Variants in CHSY1 observed in about 807,000 individuals in gnomAD.
CHSY1 encodes the protein chondroitin sulfate synthase 1, also known as N-acetylgalactosaminyl-proteoglycan 3-beta-glucuronosyltransferase 1.
CHSY1 carries 13 observed loss-of-function variants against 59.8 expected under a neutral mutation model. The observed-to-expected ratio is 0.22, with a 90% confidence interval of 0.14 to 0.35. The LOEUF (loss-of-function observed/expected upper bound fraction) is 0.35. Among genes scored for constraint, CHSY1 ranks in the 10% least tolerant of loss-of-function variants. The pLI, the probability that CHSY1 is intolerant of heterozygous loss-of-function variation, is 1.00. For missense variants in CHSY1, 947 were observed against 1,030.6 expected (o/e 0.92, Z 1.11); for synonymous variants, 459 against 401.2 (o/e 1.14, Z -1.72).
chr15:101,244,341 G>A (rs12324545), intron 1 of CHSY1, among the ~76,000 whole-genome samples: 47,225 of 152,114 alleles, frequency 0.31, 10,044 homozygotes, highest in African/African-American at 0.61. Context: ...TGAGGAAAAC[G>A]GTTGTGACAC....
At chr15:101,229,424 C>T (rs1469880856) in intron 2 of CHSY1, among the ~76,000 whole-genome samples, 1 of 152,098 alleles carries the variant, frequency 6.6e-6, no homozygotes, top group East Asian at 1.9e-4. Context: ...ATACTAATAT[C>T]AGACAAAACA....
chr15:101,237,249 CAG>C (rs2038954427), intron 1 of CHSY1, among the ~76,000 whole-genome samples: 1 of 105,402 alleles, frequency 9.5e-6, no homozygotes, highest in Non-Finnish European at 2.0e-5. Context: ...AAAAAAAAAA[CAG>C]AGGCAAATGT....
chr15:101,245,205 T>A (rs2039038595), intron 1 of CHSY1, among the ~76,000 whole-genome samples: 2 of 152,190 alleles, frequency 1.3e-5, no homozygotes, highest in Admixed American at 6.5e-5. Flanking sequence ...CTTCCCTCCA[T>A]GTCCCTGCCC....
chr15:101,198,057 G>A (rs1216404311), intron 2 of CHSY1, among the ~76,000 whole-genome samples: 1 of 152,122 alleles, frequency 6.6e-6, no homozygotes, highest in Non-Finnish European at 1.5e-5. Context: ...GTGACAGACT[G>A]TGGTCTGACT....
chr15:101,212,814 G>A, intron 2 of CHSY1, among the ~76,000 whole-genome samples: 1 of 152,164 alleles, frequency 6.6e-6, no homozygotes. Context: ...TAATAAACAT[G>A]TAGAAAACAC....
Position 101,191,828 on chromosome 15 carries a change from C to A in CHSY1, c.817-12848G>T, listed in dbSNP as rs188029496. 1.5e-3 allele frequency among the ~76,000 whole-genome samples: 228 copies of A among 152,134 alleles called. 3 individuals are homozygous for A. Among genetic ancestry groups the A allele is most frequent in the Admixed American group, 0.013 (202 of 15,286 alleles). On this transcript the variant is annotated intron_variant, in intron 2 of 2. Transcript: ENST00000254190. ...TAGATTGTAGGGGAAACTGGTAGTACTTTTTCTCTGGCTTCTCATTTATAA... is the reference window on the plus strand; with the variant it reads ...TAGATTGTAGGGGAAACTGGTAGTAATTTTTCTCTGGCTTCTCATTTATAA...
intron 2 of CHSY1, among the ~76,000 whole-genome samples, chr15:101,204,918 C>CA (rs1215140146): frequency 6.6e-6 from 1 of 152,008 alleles, no homozygotes; most frequent in Non-Finnish European, 1.5e-5. Context: ...GCCACACACA[C>CA]AAAAAAGACC....
At chr15:101,246,363 T>C (rs1478793801) in intron 1 of CHSY1, among the ~76,000 whole-genome samples, 2 of 76,250 alleles carry the variant, frequency 2.6e-5, no homozygotes, top group East Asian at 1.4e-3. Context: ...TGGCTTTTTT[T>C]TTTTTTTAAT....
intron 2 of CHSY1, among the ~76,000 whole-genome samples, chr15:101,219,359 C>T (rs1199603979): frequency 6.6e-6 from 1 of 152,208 alleles, no homozygotes; most frequent in Non-Finnish European, 1.5e-5. Flanking sequence ...AGTTGATGGA[C>T]TGCAGACGAC....
At chr15:101,245,071 C>T (rs1460411266) in intron 1 of CHSY1, among the ~76,000 whole-genome samples, 1 of 152,204 alleles carries the variant, frequency 6.6e-6, no homozygotes, top group Non-Finnish European at 1.5e-5. Context: ...CAACTCTAGC[C>T]ACCCTCTGCA....
intron 2 of CHSY1, among the ~76,000 whole-genome samples, chr15:101,208,337 C>A (rs2038648182): frequency 6.6e-6 from 1 of 152,040 alleles, no homozygotes; most frequent in South Asian, 2.1e-4. Context: ...GACTGCAAGG[C>A]TAGGGCAGGG....
rs76303837 is a variant in CHSY1, at chr15:101,194,280, G to A, written c.817-15300C>T. 5.9e-5 allele frequency among the ~76,000 whole-genome samples: 9 copies of A among 152,332 alleles called. No homozygotes were observed. In the East Asian group the frequency reaches 1.5e-3, roughly 26 times the overall value. ...GAAAGAAAAGAAAAATTTCATTGGA[G>A]GTAAACCTGTCTCAACTAATTAAAT... On this transcript the variant is annotated intron_variant, in intron 2 of 2. Transcript: ENST00000254190.
intron 1 of CHSY1, among the ~76,000 whole-genome samples, chr15:101,236,843 A>G (rs2038948486): frequency 6.6e-6 from 1 of 150,920 alleles, no homozygotes; most frequent in Non-Finnish European, 1.5e-5. Flanking sequence ...AAATAAATAA[A>G]ATAATTTTAA....
intron 2 of CHSY1, among the ~76,000 whole-genome samples, chr15:101,182,473 G>A (rs1399206375): frequency 6.6e-6 from 1 of 152,188 alleles, no homozygotes. Context: ...AGTTATGAAT[G>A]AATGCTGCAT....
chr15:101,242,791 T>G (rs555798507), intron 1 of CHSY1, among the ~76,000 whole-genome samples: 4 of 152,314 alleles, frequency 2.6e-5, no homozygotes, highest in Non-Finnish European at 5.9e-5. Context: ...CTGCAGCAAA[T>G]GCATTCAGCT....
chr15:101,194,538 T>A (rs989122608), intron 2 of CHSY1, among the ~76,000 whole-genome samples: 7 of 152,234 alleles, frequency 4.6e-5, no homozygotes, highest in African/African-American at 1.7e-4. Flanking sequence ...ATGTTCCTTG[T>A]TCTCTACTTG....
chr15:101,226,606 T>C (rs1274024131), intron 2 of CHSY1, among the ~76,000 whole-genome samples: 2 of 152,100 alleles, frequency 1.3e-5, no homozygotes, highest in Non-Finnish European at 2.9e-5. Context: ...CCACTCATGC[T>C]GGCCACTGTG....
intron 2 of CHSY1, among the ~76,000 whole-genome samples, chr15:101,214,638 T>C (rs1010048910): frequency 6.6e-6 from 1 of 151,592 alleles, no homozygotes; most frequent in African/African-American, 2.4e-5. Context: ...GGCTGGATCA[T>C]GGAGGTGGAT....
chr15:101,191,346 A>G (rs915619972), intron 2 of CHSY1, among the ~76,000 whole-genome samples: 4 of 152,260 alleles, frequency 2.6e-5, no homozygotes, highest in African/African-American at 9.6e-5. Context: ...TTCCAACTAT[A>G]TAACACTGTA....
Sources: allele counts gnomAD v4.1 joint callset (sites outside exome capture counted in the v4.1 genomes callset), GRCh38; gene constraint gnomAD v4.1.1; transcripts MANE v1.5; gene names NCBI Gene and HGNC (gene_info 2026-07-23, HGNC 2026-07-21).